The following FMR1 variants were observed in gnomAD, a reference collection of about 807,000 sequenced individuals.
FMR1 encodes FMRP translational regulator 1.
FMR1 carries 13 observed loss-of-function variants against 50.6 expected under a neutral mutation model. The ratio of observed to expected loss-of-function variants is 0.26; its 90% confidence interval spans 0.17 to 0.41. The LOEUF is 0.41. FMR1 is among the 10% of genes least tolerant of loss of function. The probability of loss-of-function intolerance (pLI) is 1.00; values close to 1 mark genes in which losing one functional copy is unlikely to be tolerated. For missense variants in FMR1, 316 were observed against 491.3 expected, an observed-to-expected ratio of 0.64 and a Z score of 3.37; for synonymous variants, 138 against 164.1, an observed-to-expected ratio of 0.84 and a Z score of 1.22.
chrX:147,937,436 T>C, intron 10 of FMR1, 30 bp from the exon 11 acceptor site: 1 of 1,011,951 alleles, frequency 9.9e-7, no homozygotes, highest in Non-Finnish European at 1.4e-6. Flanking sequence ...GTCCTTTTTT[T>C]CTCTTTTGTG....
At chrX:147,914,878 A>G (rs782273914) in intron 1 of FMR1, among the ~76,000 whole-genome samples, 8 of 112,144 alleles carry the variant, frequency 7.1e-5, no homozygotes, top group African/African-American at 2.6e-4. Flanking sequence ...TCTTTGGACT[A>G]GAAGTTTTGA....
intron 7 of FMR1, 80 bp downstream of exon 7, chrX:147,930,324 A>T: frequency 1.6e-6 from 1 of 625,403 alleles, no homozygotes; most frequent in East Asian, 3.2e-5. Context: ...GAATATGGGG[A>T]GCTTGTCATT....
chrX:147,946,335 T>G (rs1168908162), intron 16 of FMR1, among the ~76,000 whole-genome samples: 1 of 112,186 alleles, frequency 8.9e-6, no homozygotes, highest in Non-Finnish European at 1.9e-5. Context: ...GAAAAGAAGG[T>G]GTCTGTCTTA....
intron 1 of FMR1, among the ~76,000 whole-genome samples, chrX:147,916,150 G>A (rs1557175162): frequency 8.9e-6 from 1 of 112,190 alleles, no homozygotes; most frequent in Non-Finnish European, 1.9e-5. Flanking sequence ...AGAAATCTTT[G>A]ACCCTGCTAG....
At chrX:147,933,220 CCTA>C (rs782191423) in intron 9 of FMR1, among the ~76,000 whole-genome samples, 1 of 110,633 alleles carries the variant, frequency 9.0e-6, no homozygotes, top group Admixed American at 9.6e-5. Flanking sequence ...CTAGTTCAAA[CCTA>C]CTAATACCTG....
intron 7 of FMR1, 152 bp from the exon 8 acceptor site, chrX:147,932,273 G>T: frequency 2.0e-6 from 1 of 498,964 alleles, no homozygotes; most frequent in Non-Finnish European, 3.5e-6. Context: ...GCTGTGAGAG[G>T]TATTTTCTAA....
At position 147,930,169 on chromosome X, in the gene FMR1, T is replaced by G. The variant is rs1259519215; in HGVS notation, c.555T>G (p.Ile185Met). ...EVTSKRAHML[I>M]DMHFRSLRTK... The stretch of plus-strand genomic sequence containing the variant: ...CCTCAAAGCGAGCACATATGCTGAT[T>G]GACATGCACTTTCGGAGTCTGCGCA... The change falls in exon 7 of 17, where the codon ATT (isoleucine) becomes ATG (methionine). Residue 185 changes from isoleucine (I) to methionine (M), a missense_variant. Ile to Met is a conservative substitution (Grantham distance 10, BLOSUM62 1). Transcript: ENST00000370475. The G allele has an allele frequency of 8.3e-7, 1 of 1,207,818 alleles. No homozygotes were observed. Among genetic ancestry groups the G allele is most frequent in the Non-Finnish European group, 1.1e-6 (1 of 893,301 alleles).
At position 147,916,512 on chromosome X, in the gene FMR1, T is replaced by C. The variant is rs5951751; in HGVS notation, c.51+4282T>C. ...AATCATACTGTTATCACATTTCCTATGTCCCTATCCTGTCTCCTGCAGGTT... is the reference window on the plus strand; with the variant it reads ...AATCATACTGTTATCACATTTCCTACGTCCCTATCCTGTCTCCTGCAGGTT... On this transcript the variant is annotated intron_variant, in intron 1 of 16. Coordinates refer to ENST00000370475, the MANE Select transcript of FMR1 (RefSeq NM_002024.6). 2.3e-3 allele frequency among the ~76,000 whole-genome samples: 252 copies of C among 111,908 alleles called. 2 individuals carry two copies. The highest frequency in any genetic ancestry group is 7.7e-3 in the African/African-American group (237 of 30,791).
In FMR1 at chrX:147,942,442, G is replaced by A. The variant is rs782747591; in HGVS notation, c.1276-689G>A. Among the ~76,000 whole-genome samples the A allele has an allele frequency of 6.2e-5, 7 of 112,349 alleles. No homozygotes were observed. The South Asian group carries it at 2.6e-3, about 41-fold the overall frequency. ...AGGTGTATATTTCTATCAACTAAAT[G>A]TATACTGTTTCTCGTACTTGTTGTA... On this transcript the variant is annotated intron_variant, in intron 13 of 16. Coordinates refer to ENST00000370475, the MANE Select transcript of FMR1 (RefSeq NM_002024.6).
chrX:147,912,978 C>T (rs1557174227), intron 1 of FMR1: 1 of 272,623 alleles, frequency 3.7e-6, no homozygotes, highest in Non-Finnish European at 6.5e-6. Context: ...CAGGAATGCA[C>T]ATGCTTCAGC....
rs1298287222 is a variant in FMR1 at position 147,917,566 on chromosome X, T to G, written c.52-4367T>G. Among the ~76,000 whole-genome samples the G allele has an allele frequency of 2.7e-5, 3 of 109,747 alleles. No individual in the cohort carries two copies. The Admixed American group carries it at 2.9e-4, about 10-fold the overall frequency. ...AAATAACCTTTTAATATTAAGTATCTTTGTGGAAACATTGTTTTCTTTTTC... is the reference window on the plus strand; with the variant it reads ...AAATAACCTTTTAATATTAAGTATCGTTGTGGAAACATTGTTTTCTTTTTC... On this transcript the variant is annotated intron_variant, in intron 1 of 16. Transcript: ENST00000370475.
In FMR1 at chrX:147,937,839, A is replaced by C. The variant is rs2043843640; in HGVS notation, c.1125+239A>C. On this transcript the variant is annotated intron_variant, in intron 11 of 16. Transcript: ENST00000370475. Reference sequence around the variant, plus strand: ...AATAATGGGGTTGCATTTAGTGGTCACATTTTTCTTTTGACAGTGGACTCT... The same window carrying C: ...AATAATGGGGTTGCATTTAGTGGTCCCATTTTTCTTTTGACAGTGGACTCT... Among the ~76,000 whole-genome samples the C allele has an allele frequency of 4.4e-5, 5 of 112,399 alleles. No individual in the cohort carries two copies. The South Asian group carries it at 1.8e-3, about 41-fold the overall frequency.
chrX:147,932,624 TC>T (rs1557178931), intron 8 of FMR1, 29 bp downstream of exon 8: 3 of 1,194,886 alleles, frequency 2.5e-6, no homozygotes, highest in Non-Finnish European at 3.4e-6. Flanking sequence ...AGTTTTTTTT[TC>T]CCCAAACAAG....
chrX:147,918,761 C>G (rs1212067234), intron 1 of FMR1, among the ~76,000 whole-genome samples: 2 of 110,401 alleles, frequency 1.8e-5, no homozygotes, highest in African/African-American at 6.6e-5. Flanking sequence ...AGTCTGAAAA[C>G]AGTCTCCAAC....
chrX:147,929,455 C>G (rs1244595575), intron 5 of FMR1, among the ~76,000 whole-genome samples: 2 of 110,665 alleles, frequency 1.8e-5, no homozygotes, highest in South Asian at 3.8e-4. Context: ...GTTTCCTTCT[C>G]TCCCTCAAAT....
intron 1 of FMR1, among the ~76,000 whole-genome samples, chrX:147,920,354 G>A (rs138362974): frequency 8.9e-6 from 1 of 111,831 alleles, no homozygotes; most frequent in African/African-American, 3.3e-5. Flanking sequence ...GTTTCTCACT[G>A]TCTAAACCTT....
chrX:147,912,603 C>T (rs1433361176), intron 1 of FMR1: 7 of 301,066 alleles, frequency 2.3e-5, no homozygotes, highest in Non-Finnish European at 4.1e-5. Flanking sequence ...TAAACATCAT[C>T]TCCCAGCGGG....
rs25701 is a variant in FMR1, at chrX:147,940,765, A to G, written c.1275+103A>G. 78,769 of 530,853 alleles carry G rather than the reference A, an allele frequency of 0.15. 4,412 individuals carry two copies. Among genetic ancestry groups the G allele is most frequent in the Middle Eastern group, 0.23 (440 of 1,942 alleles). 43.7% of individuals were successfully genotyped at this position (530,853 alleles called of 1,213,427 possible). ...TAGGACTCATTCTAGCCTGTGCAAA[A>G]CACTGTATGACTTGTCAAAGGTAAT... On this transcript the variant is annotated intron_variant, in intron 13 of 16. Coordinates refer to ENST00000370475, the MANE Select transcript of FMR1 (RefSeq NM_002024.6).
At chrX:147,915,549 C>G (rs187005180) in intron 1 of FMR1, among the ~76,000 whole-genome samples, 51 of 110,839 alleles carry the variant, frequency 4.6e-4, no homozygotes, top group African/African-American at 1.6e-3. Context: ...ATCATTTTTC[C>G]CCTTTTGAAC....
Sources: gnomAD v4.1 joint callset for allele counts (sites outside exome capture counted in the v4.1 genomes callset) on GRCh38, gnomAD v4.1.1 for gene constraint, MANE v1.5 for transcripts, NCBI Gene and HGNC (gene_info 2026-07-23, HGNC 2026-07-21) for gene names.